SLC33A1: variants seen among roughly 807,000 people sequenced by gnomAD.
The protein encoded by SLC33A1 is acetyl-coenzyme A transporter 1.
SLC33A1 carries 20 observed loss-of-function variants against 50.0 expected under a neutral mutation model. The ratio of observed to expected loss-of-function variants is 0.40; its 90% CI spans 0.28 to 0.58. The LOEUF is 0.58. Ranked by LOEUF, SLC33A1 falls within the 20% of genes least tolerant of loss-of-function variation. SLC33A1 has a pLI of 0.44. For missense variants in SLC33A1, 476 were observed against 657.0 expected (o/e 0.72, Z 3.01); for synonymous variants, 265 against 251.8 (o/e 1.05, Z -0.50).
chr3:155,837,967 C>T (rs1019154730), intron 2 of SLC33A1, among the ~76,000 whole-genome samples: 2 of 152,128 alleles, frequency 1.3e-5, no homozygotes, highest in Non-Finnish European at 2.9e-5. Context: ...AGCAATTCAG[C>T]AATCATATTA....
At position 155,833,738 on chromosome 3, in the gene SLC33A1, A is replaced by G; in HGVS notation, c.1148+119T>C. The G allele has an allele frequency of 3.3e-5, 33 of 1,010,312 alleles. 2 individuals are homozygous for G. The South Asian group carries it at 4.5e-4, about 14-fold the overall frequency. 62.6% of individuals were successfully genotyped at this position (1,010,312 alleles called of 1,614,324 possible). A position where few individuals can be genotyped will look rare whatever the true frequency, so the allele number is the denominator to read the frequency against. On this transcript the variant is annotated intron_variant, in intron 3 of 5. Coordinates refer to ENST00000643144, the MANE Select transcript of SLC33A1 (RefSeq NM_004733.4). ...AAAAGTGCATATAAATAATATTGAA[A>G]AAAGATGCTTTTCAAATCTTTTTCC...
intron 1 of SLC33A1, 46 bp from the exon 2 acceptor site, chr3:155,842,665 T>A (rs1752979374): frequency 1.0e-6 from 1 of 1,000,654 alleles, no homozygotes; most frequent in Non-Finnish European, 1.5e-6. Context: ...ATTACATAAT[T>A]TCATTGATAC....
At chr3:155,838,452 G>C (rs146215975) in intron 2 of SLC33A1, among the ~76,000 whole-genome samples, 1 of 151,868 alleles carries the variant, frequency 6.6e-6, no homozygotes, top group Non-Finnish European at 1.5e-5. Flanking sequence ...AGGCAAAGGC[G>C]GGCAGATTGC....
chr3:155,854,404 T>C lies in SLC33A1; in HGVS notation c.-407A>G, dbSNP rs777332740. 1.1e-4 allele frequency: 19 copies of C among 169,386 alleles called. No individual in the cohort carries two copies. Among genetic ancestry groups the C allele is most frequent in the Non-Finnish European group, 1.9e-4 (15 of 79,552 alleles). The allele number at this position is 169,386 out of a possible 1,614,324, so 10.5% of individuals were successfully genotyped here. A position where few individuals can be genotyped will look rare whatever the true frequency, so the allele number is the denominator to read the frequency against. On this transcript the variant is annotated 5_prime_UTR_variant, in exon 1 of 6. Coordinates refer to ENST00000643144, the MANE Select transcript of SLC33A1 (RefSeq NM_004733.4). ...TATCAATGCGGCAGAGAGCACTTTC[T>C]CTACAGGACTCCAGAAAAAGCATAT...
intron 1 of SLC33A1, among the ~76,000 whole-genome samples, chr3:155,848,967 C>T (rs1490475370): frequency 6.6e-6 from 1 of 152,100 alleles, no homozygotes; most frequent in Non-Finnish European, 1.5e-5. Flanking sequence ...GGCTGGAGTG[C>T]AGTGGTGTGA....
chr3:155,852,951 G>A (rs1753457640), intron 1 of SLC33A1, among the ~76,000 whole-genome samples: 1 of 152,182 alleles, frequency 6.6e-6, no homozygotes, highest in South Asian at 2.1e-4. Flanking sequence ...GTGCATTTGT[G>A]TATTAAGCAA....
intron 2 of SLC33A1, among the ~76,000 whole-genome samples, chr3:155,834,735 G>A (rs1228833660): frequency 6.6e-6 from 1 of 152,238 alleles, no homozygotes; most frequent in South Asian, 2.1e-4. Context: ...AGCAGTTAAA[G>A]GGATAAAGAG....
intron 1 of SLC33A1, chr3:155,842,999 T>TAA (rs397875293): frequency 1.5e-4 from 15 of 97,846 alleles, no homozygotes; most frequent in Middle Eastern, 5.7e-3. Context: ...AGACCTTGTC[T>TAA]AAAAAAAAAA....
chr3:155,837,070 G>T (rs75692631), intron 2 of SLC33A1, among the ~76,000 whole-genome samples: 2,462 of 152,154 alleles, frequency 0.016, 74 homozygotes, highest in African/African-American at 0.056. Flanking sequence ...AAATTAAAAA[G>T]ATGATATACA....
chr3:155,851,247 C>CAT (rs1465360901), intron 1 of SLC33A1, among the ~76,000 whole-genome samples: 6 of 151,590 alleles, frequency 4.0e-5, no homozygotes, highest in Non-Finnish European at 8.8e-5. Context: ...ATAAAAAATA[C>CAT]ATATATATAA....
chr3:155,832,105 C>T (rs1290843209), intron 4 of SLC33A1, among the ~76,000 whole-genome samples: 3 of 152,194 alleles, frequency 2.0e-5, no homozygotes, highest in African/African-American at 4.8e-5. Context: ...GGGCCAGGCG[C>T]GGTGGCTCAT....
intron 2 of SLC33A1, among the ~76,000 whole-genome samples, chr3:155,835,427 C>A (rs971544985): frequency 1.3e-5 from 2 of 152,144 alleles, no homozygotes; most frequent in Non-Finnish European, 2.9e-5. Context: ...CCCCCAAAAT[C>A]ATTTCTTTTC....
chr3:155,834,437 C>G (rs422353), intron 2 of SLC33A1, among the ~76,000 whole-genome samples: 2 of 152,134 alleles, frequency 1.3e-5, no homozygotes, highest in African/African-American at 4.8e-5. Context: ...AGCATAACTG[C>G]CAATATATAT....
In SLC33A1 at chr3:155,848,023, T is replaced by C. The variant is rs77392329; in HGVS notation, c.775+5200A>G. Among the ~76,000 whole-genome samples the C allele has an allele frequency of 7.7e-3, 1,171 of 152,280 alleles. 22 individuals are homozygous for C. Among genetic ancestry groups the C allele is most frequent in the African/African-American group, 0.028 (1,144 of 41,554 alleles). ...TGCTCCCTATTCCAATCACTTCTAA[T>C]TGTTACTACTGCTGCTAGAGGAGAG... On this transcript the variant is annotated intron_variant, in intron 1 of 5. Coordinates refer to ENST00000643144, the MANE Select transcript of SLC33A1 (RefSeq NM_004733.4).
intron 4 of SLC33A1, among the ~76,000 whole-genome samples, chr3:155,832,745 A>G (rs1752497662): frequency 6.6e-6 from 1 of 150,926 alleles, no homozygotes; most frequent in African/African-American, 2.4e-5. Flanking sequence ...AAAAAAAAAA[A>G]AAAGCAGAAG....
chr3:155,824,377 A>C lies in SLC33A1; in HGVS notation c.*3833T>G, dbSNP rs1429050442. The C allele has an allele frequency of 6.6e-6, 1 of 152,184 alleles. No homozygotes were observed. Among genetic ancestry groups the C allele is most frequent in the Non-Finnish European group, 1.5e-5 (1 of 68,036 alleles). 9.4% of individuals were successfully genotyped at this position (152,184 alleles called of 1,614,324 possible). ...GCTTTTATATCAAATAATGGTCTCA[A>C]CCATTTAATACAAAGCAACATACTT... On this transcript the variant is annotated 3_prime_UTR_variant, in exon 6 of 6. Coordinates refer to ENST00000643144, the MANE Select transcript of SLC33A1 (RefSeq NM_004733.4).
At chr3:155,833,735 G>GA (rs1752542431) in intron 3 of SLC33A1, 122 bp downstream of exon 3, 2 of 993,500 alleles carry the variant, frequency 2.0e-6, no homozygotes, top group African/African-American at 3.3e-5. Flanking sequence ...AAATAATATT[G>GA]AAAAAAGATG....
intron 1 of SLC33A1, chr3:155,844,766 T>G (rs1307050861): frequency 6.6e-6 from 1 of 151,924 alleles, no homozygotes; most frequent in African/African-American, 2.4e-5. Context: ...CCACGCCCAG[T>G]ATAAAATAAC....
At chr3:155,829,955 A>G (rs1178950271) in intron 4 of SLC33A1, 52 bp from the exon 5 acceptor site, 1 of 1,189,526 alleles carries the variant, frequency 8.4e-7, no homozygotes, top group Non-Finnish European at 1.2e-6. Context: ...TTATAAAGCT[A>G]CAGTCTAAAT....
Sources: gnomAD v4.1 joint callset for allele counts (sites outside exome capture counted in the v4.1 genomes callset) on GRCh38, gnomAD v4.1.1 for gene constraint, MANE v1.5 for transcripts, NCBI Gene and HGNC (gene_info 2026-07-23, HGNC 2026-07-21) for gene names.